CCDC30: variants seen among roughly 807,000 people sequenced by gnomAD.
The protein encoded by CCDC30 is coiled-coil domain-containing protein 30.
Under a neutral mutation model 100.2 loss-of-function variants are expected in CCDC30, and 70 were observed. That is an observed-to-expected ratio of 0.70 (90% CI 0.58 to 0.85). The LOEUF is 0.85. Ranked by LOEUF, CCDC30 falls within the 40% of genes least tolerant of loss-of-function variation. The probability of loss-of-function intolerance (pLI) is 0.00; values close to 1 mark genes in which losing one functional copy is unlikely to be tolerated. For synonymous variants in CCDC30, 233 were observed against 269.5 expected (o/e 0.86, Z 1.33); for missense variants, 652 against 771.2 (o/e 0.85, Z 1.83).
chr1:42,590,250 A>C (rs1646159102), intron 10 of CCDC30: 1 of 152,232 alleles, frequency 6.6e-6, no homozygotes, highest in African/African-American at 2.4e-5. Context: ...TATAGTCTGC[A>C]TATCTGTAAG....
intron 6 of CCDC30, among the ~76,000 whole-genome samples, chr1:42,558,599 T>C (rs1645422012): frequency 6.6e-6 from 1 of 152,128 alleles, no homozygotes; most frequent in Non-Finnish European, 1.5e-5. Flanking sequence ...GGATCACCCA[T>C]TGATAAGCAG....
intron 11 of CCDC30, among the ~76,000 whole-genome samples, chr1:42,621,699 G>A (rs1646837255): frequency 6.6e-6 from 1 of 151,914 alleles, no homozygotes; most frequent in African/African-American, 2.4e-5. Flanking sequence ...TTTTAATAGA[G>A]ACAGGGTTTC....
chr1:42,574,090 G>T (rs1478212369), intron 7 of CCDC30, among the ~76,000 whole-genome samples: 2 of 152,052 alleles, frequency 1.3e-5, no homozygotes, highest in East Asian at 3.8e-4. Context: ...CAATGCCCTT[G>T]TCAGATTTTG....
chr1:42,553,513 G>A (rs1055057623), intron 6 of CCDC30, among the ~76,000 whole-genome samples: 2 of 151,978 alleles, frequency 1.3e-5, no homozygotes, highest in Admixed American at 6.6e-5. Context: ...TGAAACTACT[G>A]GATGCAGTGG....
At position 42,646,379 on chromosome 1, in the gene CCDC30, G is replaced by T. The variant is rs559923743; in HGVS notation, c.1854+62G>T. ...CCCCACATTCTGCCAGGCACCCACT[G>T]TTTGGAAAATCTCTCAACTTATGGT... On this transcript the variant is annotated intron_variant, in intron 15 of 16. Coordinates refer to ENST00000668663, the Ensembl canonical transcript of CCDC30. The T allele has an allele frequency of 1.6e-4, 219 of 1,328,028 alleles. 1 individual carries two copies. Among genetic ancestry groups the T allele is most frequent in the South Asian group, 1.2e-3 (52 of 42,346 alleles). The allele number at this position is 1,328,028 out of a possible 1,614,324, so 82.3% of individuals were successfully genotyped here.
chr1:42,537,207 G>T (rs573758513), intron 6 of CCDC30: 1 of 456,170 alleles, frequency 2.2e-6, no homozygotes, highest in Non-Finnish European at 4.4e-6. Flanking sequence ...TGGGCTTATC[G>T]CTCGTTTTAA....
chr1:42,541,723 G>A (rs1466869045), intron 6 of CCDC30, among the ~76,000 whole-genome samples: 1 of 152,130 alleles, frequency 6.6e-6, no homozygotes, highest in East Asian at 1.9e-4. Flanking sequence ...CTCATTAAAA[G>A]TTTCTGTTTT....
chr1:42,478,096 T>C (rs993252107), intron 1 of CCDC30, among the ~76,000 whole-genome samples: 3 of 152,198 alleles, frequency 2.0e-5, no homozygotes, highest in African/African-American at 7.2e-5. Context: ...CATACAAATA[T>C]TTTTGAACAT....
chr1:42,612,826 G>C (rs1195633944), intron 11 of CCDC30, among the ~76,000 whole-genome samples: 1 of 152,116 alleles, frequency 6.6e-6, no homozygotes, highest in African/African-American at 2.4e-5. Flanking sequence ...TCCTAGACCT[G>C]CTGGAATTAA....
chr1:42,466,591 G>A lies in CCDC30; in HGVS notation c.-92+2693G>A, dbSNP rs190258607. Among the ~76,000 whole-genome samples, 57 of 150,422 alleles carry A rather than the reference G, an allele frequency of 3.8e-4. No homozygotes were observed. In the East Asian group the frequency reaches 5.6e-3, roughly 15 times the overall value. ...TTTTGAGATGGAGCCTTGCTCTGTC[G>A]CCCAGGCTGGAGTGCAGTGTTGAGA... On this transcript the variant is annotated intron_variant, in intron 1 of 16. Transcript: ENST00000668663.
In CCDC30 at chr1:42,498,922, G is replaced by C; in HGVS notation, c.456+6G>C. The C allele has an allele frequency of 8.2e-7, 1 of 1,220,974 alleles. No individual in the cohort carries two copies. Among genetic ancestry groups the C allele is most frequent in the Non-Finnish European group, 1.0e-6 (1 of 976,034 alleles). The allele number at this position is 1,220,974 out of a possible 1,614,324, so 75.6% of individuals were successfully genotyped here. A position where few individuals can be genotyped will look rare whatever the true frequency, so the allele number is the denominator to read the frequency against. On this transcript the variant is annotated splice_donor_region_variant and intron_variant, in intron 6 of 16. Coordinates refer to ENST00000668663, the Ensembl canonical transcript of CCDC30. ...GTGGTGAACAGAGAGAACAGGTATT[G>C]TATTTTAAAGTTCTGTTCTTTCTGA...
intron 1 of CCDC30, chr1:42,468,761 T>C (rs1396167207): frequency 2.6e-5 from 4 of 152,084 alleles, no homozygotes; most frequent in Non-Finnish European, 5.9e-5. Context: ...AGAATAAAAA[T>C]TTAAAGAAGT....
chr1:42,524,046 T>C lies in CCDC30; in HGVS notation c.456+25130T>C, dbSNP rs539980240. Among the ~76,000 whole-genome samples the C allele has an allele frequency of 5.5e-3, 830 of 152,140 alleles. 5 individuals are homozygous for C. Among genetic ancestry groups the C allele is most frequent in the Non-Finnish European group, 8.9e-3 (607 of 67,994 alleles). ...CCTTAATATAGTTTTTTAAAAGTCT[T>C]TGTGTAGTAGATCTGCCATATGGTC... On this transcript the variant is annotated intron_variant, in intron 6 of 16. Coordinates refer to ENST00000668663, the Ensembl canonical transcript of CCDC30.
In CCDC30 at chr1:42,609,720, G is replaced by A. The variant is rs191556520; in HGVS notation, c.1165-1258G>A. Among the ~76,000 whole-genome samples, 103 of 152,280 alleles carry A rather than the reference G, an allele frequency of 6.8e-4. 1 individual carries two copies. The highest frequency in any genetic ancestry group is 2.3e-3 in the African/African-American group (97 of 41,554). On this transcript the variant is annotated intron_variant, in intron 10 of 16. Coordinates refer to ENST00000668663, the Ensembl canonical transcript of CCDC30. Reference sequence around the variant, plus strand: ...TGGTGGTGGTATAGAGGTGGGCCTCGAGGACTATAGGCATCCCCTTACAAG... The same window carrying A: ...TGGTGGTGGTATAGAGGTGGGCCTCAAGGACTATAGGCATCCCCTTACAAG...
intron 11 of CCDC30, among the ~76,000 whole-genome samples, chr1:42,629,826 G>A (rs997905240): frequency 1.3e-5 from 2 of 151,874 alleles, no homozygotes; most frequent in African/African-American, 4.8e-5. Flanking sequence ...ATATTGGCCC[G>A]GCTGGTCTTG....
At chr1:42,523,681 G>A (rs1012119293) in intron 6 of CCDC30, among the ~76,000 whole-genome samples, 2 of 151,980 alleles carry the variant, frequency 1.3e-5, no homozygotes, top group African/African-American at 2.4e-5. Context: ...TAATCTCTCT[G>A]CCCTCTCTTT....
chr1:42,563,609 G>A (rs146317036), intron 6 of CCDC30, among the ~76,000 whole-genome samples: 4 of 152,080 alleles, frequency 2.6e-5, no homozygotes, highest in Admixed American at 6.6e-5. Context: ...GGCTGGGCGC[G>A]CTGGCTCACG....
intron 11 of CCDC30, among the ~76,000 whole-genome samples, chr1:42,634,249 C>CAAAAAAAAAAAAAAAAAAAAAAA (rs754829759): frequency 8.7e-6 from 1 of 115,318 alleles, no homozygotes; most frequent in South Asian, 2.9e-4. Context: ...AAGACTGTCT[C>CAAAAAAAAAAAAAAAAAAAAAAA]AAAAAAAAAA....
Position 42,638,916 on chromosome 1 carries a change from GA to G in CCDC30, c.1419+1548del, listed in dbSNP as rs536554719. On this transcript the variant is annotated intron_variant, in intron 12 of 16. Coordinates refer to ENST00000668663, the Ensembl canonical transcript of CCDC30. ...TAAATAAAGAGTAAGAGAAAGAAAG[GA>G]AAAAAAAAAGTAGCAACCCTAGTTC... Among the ~76,000 whole-genome samples, 1,088 of 146,090 alleles carry G rather than the reference GA, an allele frequency of 7.4e-3. 6 individuals carry two copies. Among genetic ancestry groups the G allele is most frequent in the Middle Eastern group, 0.031 (9 of 290 alleles).
Sources: gnomAD v4.1 joint callset for allele counts (sites outside exome capture counted in the v4.1 genomes callset) on GRCh38, gnomAD v4.1.1 for gene constraint, MANE v1.5 for transcripts, NCBI Gene and HGNC (gene_info 2026-07-23, HGNC 2026-07-21) for gene names.